The following TBCK variants were observed in gnomAD, a reference collection of about 807,000 sequenced individuals.
The protein encoded by TBCK is TBC domain-containing protein kinase-like protein.
Under a neutral mutation model 113.4 loss-of-function variants are expected in TBCK, and 99 were observed. The ratio of observed to expected loss-of-function variants is 0.87; its 90% confidence interval spans 0.74 to 1.03. The LOEUF is 1.03. Ranked by LOEUF, TBCK falls within the 50% of genes least tolerant of loss-of-function variation. The pLI, the probability that TBCK is intolerant of heterozygous loss-of-function variation, is 0.00. For synonymous variants in TBCK, 369 were observed against 370.8 expected (o/e 1.00, Z 0.05); for missense variants, 1,045 against 1,061.3 (o/e 0.98, Z 0.21).
intron 24 of TBCK, among the ~76,000 whole-genome samples, chr4:106,102,255 T>A (rs569733516): frequency 9.8e-5 from 15 of 152,312 alleles, no homozygotes; most frequent in African/African-American, 3.6e-4. Context: ...GTATTCTCCA[T>A]TCCCTTGGCC....
At chr4:106,075,674 C>T (rs1738104076) in intron 25 of TBCK, among the ~76,000 whole-genome samples, 1 of 151,992 alleles carries the variant, frequency 6.6e-6, no homozygotes, top group Non-Finnish European at 1.5e-5. Flanking sequence ...TATGTTTTTA[C>T]CTTTATGGTA....
intron 2 of TBCK, among the ~76,000 whole-genome samples, chr4:106,305,892 G>A (rs74285102): frequency 0.2 from 30,420 of 152,176 alleles, 3,201 homozygotes; most frequent in African/African-American, 0.27. Flanking sequence ...TATACGGTCT[G>A]AAAAGGGGAC....
chr4:106,108,970 C>G lies in TBCK; in HGVS notation c.2411+7233G>C, dbSNP rs181330564. Among the ~76,000 whole-genome samples, 615 of 151,268 alleles carry G rather than the reference C, an allele frequency of 4.1e-3. 1 individual carries two copies. Among genetic ancestry groups the G allele is most frequent in the Non-Finnish European group, 7.0e-3 (477 of 67,884 alleles). On this transcript the variant is annotated intron_variant, in intron 24 of 25. Transcript: ENST00000394708. ...TTCCTATACACCAACGACAACCAAC[C>G]TGAAAGCAAAATCAGAAAGGCAATC... is the stretch of plus-strand genomic sequence containing the variant.
chr4:106,139,792 C>T (rs886727873), intron 23 of TBCK, among the ~76,000 whole-genome samples: 1 of 140,576 alleles, frequency 7.1e-6, no homozygotes, highest in African/African-American at 2.5e-5. Context: ...TTGGTTGGTA[C>T]ACATTTTTTC....
intron 23 of TBCK, among the ~76,000 whole-genome samples, chr4:106,158,357 A>G (rs1172264290): frequency 6.6e-6 from 1 of 152,192 alleles, no homozygotes; most frequent in Non-Finnish European, 1.5e-5. Context: ...AGCCTGGCCA[A>G]CATGGTAAAA....
intron 23 of TBCK, among the ~76,000 whole-genome samples, chr4:106,149,245 A>G (rs924314902): frequency 1.3e-5 from 2 of 152,186 alleles, no homozygotes; most frequent in African/African-American, 4.8e-5. Context: ...TTGCTTTCTT[A>G]TCATCTGTTG....
intron 22 of TBCK, among the ~76,000 whole-genome samples, chr4:106,185,177 T>G (rs1455228121): frequency 6.6e-6 from 1 of 152,092 alleles, no homozygotes. Context: ...AAATTTTAAG[T>G]AATTAAATGT....
At chr4:106,229,131 A>G (rs1385269896) in intron 19 of TBCK, among the ~76,000 whole-genome samples, 2 of 151,936 alleles carry the variant, frequency 1.3e-5, no homozygotes, top group Non-Finnish European at 2.9e-5. Flanking sequence ...AGCTTCCTAT[A>G]TATTCTGGCT....
chr4:106,253,850 T>G (rs1319669836), intron 5 of TBCK, among the ~76,000 whole-genome samples: 1 of 152,160 alleles, frequency 6.6e-6, no homozygotes, highest in Non-Finnish European at 1.5e-5. Flanking sequence ...TTACAAGACT[T>G]AGCAAATAAG....
intron 24 of TBCK, among the ~76,000 whole-genome samples, chr4:106,107,977 T>C (rs1042014246): frequency 1.3e-5 from 2 of 151,532 alleles, no homozygotes; most frequent in East Asian, 3.9e-4. Flanking sequence ...AATAACCATA[T>C]GCTCTATGTA....
chr4:106,097,415 T>C (rs143280168), intron 24 of TBCK, among the ~76,000 whole-genome samples: 83 of 152,248 alleles, frequency 5.5e-4, no homozygotes, highest in African/African-American at 2.0e-3. Flanking sequence ...ACAAAAATGA[T>C]TGGGTAAGCA....
rs533997106 is a variant in TBCK at position 106,260,746 on chromosome 4, C to T, written c.382-236G>A. On this transcript the variant is annotated intron_variant, in intron 4 of 25. Transcript: ENST00000394708. ...TATATGCATATGTACACATATATAT[C>T]TCAAAATGACAAATGACATTTTTCT... is the stretch of plus-strand genomic sequence containing the variant. 2.9e-4 allele frequency among the ~76,000 whole-genome samples: 44 copies of T among 151,954 alleles called. 1 individual carries two copies. The Middle Eastern group carries it at 0.014, about 47-fold the overall frequency.
chr4:106,315,211 A>C (rs542498497), intron 1 of TBCK, among the ~76,000 whole-genome samples: 2 of 152,148 alleles, frequency 1.3e-5, no homozygotes, highest in Non-Finnish European at 2.9e-5. Context: ...AAATTCATTC[A>C]TTCAACAAAT....
rs532013433 is a variant in TBCK, at chr4:106,050,070, T to C, written c.2572-3390A>G. On this transcript the variant is annotated intron_variant, in intron 25 of 25. Transcript: ENST00000394708. Reference sequence around the variant, plus strand: ...CTGCTGTGTTTGTAGGGCTGAAATTTGTGAGAGCTGAACTTTATCAGACAT... The same window carrying C: ...CTGCTGTGTTTGTAGGGCTGAAATTCGTGAGAGCTGAACTTTATCAGACAT... Among the ~76,000 whole-genome samples the C allele has an allele frequency of 8.5e-5, 13 of 152,092 alleles. No individual in the cohort carries two copies. In the South Asian group the frequency reaches 2.7e-3, roughly 32 times the overall value.
rs60417567 is a variant in TBCK at position 106,306,236 on chromosome 4, A to ATT, written c.193+2530_193+2531dup. Among the ~76,000 whole-genome samples, 509 of 97,332 alleles carry ATT rather than the reference A, an allele frequency of 5.2e-3. 23 individuals are homozygous for ATT. Among genetic ancestry groups the ATT allele is most frequent in the Non-Finnish European group, 6.3e-3 (310 of 48,922 alleles). The allele number at this position is 97,332 out of a possible 152,430, so 63.9% of individuals were successfully genotyped here. ...AGGAACAAGACACCATGCCTGGCTAATTTTTTTTTTTTTTTTTTTTTTTTT... is the reference window on the plus strand; with the variant it reads ...AGGAACAAGACACCATGCCTGGCTAATTTTTTTTTTTTTTTTTTTTTTTTTTT... On this transcript the variant is annotated intron_variant, in intron 2 of 25. Coordinates refer to ENST00000394708, the MANE Select transcript of TBCK (RefSeq NM_001163435.3).
chr4:106,261,807 G>C (rs781372560), intron 4 of TBCK, among the ~76,000 whole-genome samples: 4 of 151,660 alleles, frequency 2.6e-5, no homozygotes, highest in Non-Finnish European at 4.4e-5. Context: ...GAGTATACTG[G>C]GACGCCACAA....
At chr4:106,067,881 T>A (rs1003278775) in intron 25 of TBCK, among the ~76,000 whole-genome samples, 3 of 152,212 alleles carry the variant, frequency 2.0e-5, no homozygotes, top group Non-Finnish European at 4.4e-5. Flanking sequence ...ATCGTTTTGA[T>A]TACTATAGCT....
chr4:106,071,285 T>C (rs1053749299), intron 25 of TBCK, among the ~76,000 whole-genome samples: 23 of 152,124 alleles, frequency 1.5e-4, no homozygotes, highest in African/African-American at 5.3e-4. Flanking sequence ...CCCAGAGGTT[T>C]TGGTATGTTG....
chr4:106,055,611 T>C (rs1467382093), intron 25 of TBCK, among the ~76,000 whole-genome samples: 4 of 151,360 alleles, frequency 2.6e-5, no homozygotes, highest in Non-Finnish European at 5.9e-5. Flanking sequence ...CATGTCAAAA[T>C]GGTCTTTTCC....
Sources: gnomAD v4.1 joint callset for allele counts (sites outside exome capture counted in the v4.1 genomes callset) on GRCh38, gnomAD v4.1.1 for gene constraint, MANE v1.5 for transcripts, NCBI Gene and HGNC (gene_info 2026-07-23, HGNC 2026-07-21) for gene names.